Variants in MAML3 observed in about 807,000 individuals in gnomAD.
The protein encoded by MAML3 is mastermind-like protein 3.
Under a neutral mutation model 101.9 loss-of-function variants are expected in MAML3, and 27 were observed. The ratio of observed to expected loss-of-function variants is 0.27; its 90% CI spans 0.20 to 0.37. The LOEUF (loss-of-function observed/expected upper bound fraction) is 0.37, where lower values mean the gene tolerates loss of function less well. Ranked by LOEUF, MAML3 falls within the 10% of genes least tolerant of loss-of-function variation. The pLI, the probability that MAML3 is intolerant of heterozygous loss-of-function variation, is 1.00. For synonymous variants in MAML3, 501 were observed against 555.9 expected, an observed-to-expected ratio of 0.90 and a Z score of 1.39; for missense variants, 1,316 against 1,444.9, an observed-to-expected ratio of 0.91 and a Z score of 1.45.
intron 1 of MAML3, among the ~76,000 whole-genome samples, chr4:140,065,562 T>C (rs538499243): frequency 1.3e-5 from 2 of 152,192 alleles, no homozygotes; most frequent in Non-Finnish European, 2.9e-5. Flanking sequence ...CAGTCTCTGC[T>C]GACCTTCACC....
intron 2 of MAML3, among the ~76,000 whole-genome samples, chr4:139,852,852 A>C (rs897493882): frequency 6.6e-6 from 1 of 152,216 alleles, no homozygotes; most frequent in Non-Finnish European, 1.5e-5. Context: ...CCATTGTGAA[A>C]TGGAAAGAAC....
At chr4:140,121,532 C>T (rs551748798) in intron 1 of MAML3, among the ~76,000 whole-genome samples, 60 of 151,896 alleles carry the variant, frequency 4.0e-4, no homozygotes, top group African/African-American at 1.4e-3. Flanking sequence ...GAGAGAAAGC[C>T]TTCATTGTTA....
chr4:139,751,485 G>C (rs1250850452), intron 2 of MAML3, among the ~76,000 whole-genome samples: 1 of 152,202 alleles, frequency 6.6e-6, no homozygotes, highest in Non-Finnish European at 1.5e-5. Flanking sequence ...AGTTTTGACT[G>C]CATTTTGACT....
rs979087517 is a variant in MAML3, at chr4:139,735,625, C to A, written c.2080-4958G>T. Among the ~76,000 whole-genome samples the A allele has an allele frequency of 1.3e-5, 2 of 152,230 alleles. No individual in the cohort carries two copies. The highest frequency in any genetic ancestry group is 4.8e-5 in the African/African-American group (2 of 41,458). The stretch of plus-strand genomic sequence containing the variant: ...CCGCTGCTTCGGCTCAGAGTCCTTG[C>A]AATCGCTTGGCCTACGAACAACCTA... On this transcript the variant is annotated intron_variant, in intron 2 of 4. Transcript: ENST00000509479. This position sits in a 1 kb window ranked among gnomAD's most constrained non-coding sequence, Gnocchi z 5.8.
intron 1 of MAML3, among the ~76,000 whole-genome samples, chr4:140,025,790 T>C (rs1370115786): frequency 6.6e-6 from 1 of 152,320 alleles, no homozygotes; most frequent in South Asian, 2.1e-4. Flanking sequence ...TCAACCGCGA[T>C]TGAAAAATAC....
intron 1 of MAML3, among the ~76,000 whole-genome samples, chr4:140,032,646 A>G (rs1726925743): frequency 6.6e-6 from 1 of 152,180 alleles, no homozygotes; most frequent in African/African-American, 2.4e-5. Context: ...TGGGTAAATT[A>G]GTACAAACTT....
chr4:140,062,600 C>G (rs796562161), intron 1 of MAML3, among the ~76,000 whole-genome samples: 6 of 152,324 alleles, frequency 3.9e-5, no homozygotes, highest in African/African-American at 1.4e-4. Flanking sequence ...TTCTGCCCAC[C>G]AGGTAGCTGC....
chr4:140,030,479 G>C (rs1017962048), intron 1 of MAML3, among the ~76,000 whole-genome samples: 7 of 152,106 alleles, frequency 4.6e-5, no homozygotes, highest in African/African-American at 1.4e-4. Flanking sequence ...TAAGGGCCAG[G>C]CTCCAAACAG....
At chr4:139,728,858 T>C (rs1016607061) in intron 3 of MAML3, among the ~76,000 whole-genome samples, 8 of 152,224 alleles carry the variant, frequency 5.3e-5, no homozygotes, top group African/African-American at 1.9e-4. Flanking sequence ...ACAGCTGAGC[T>C]CTGCCTGCTT....
intron 2 of MAML3, among the ~76,000 whole-genome samples, chr4:139,736,854 G>A (rs980831121): frequency 6.6e-6 from 1 of 152,212 alleles, no homozygotes; most frequent in Non-Finnish European, 1.5e-5. Context: ...AGATTGCAAA[G>A]CTGCACTTTC....
chr4:139,785,617 C>A lies in MAML3; in HGVS notation c.2080-54950G>T, dbSNP rs574110849. 6.6e-6 allele frequency among the ~76,000 whole-genome samples: 1 copy of A among 152,160 alleles called. No individual in the cohort carries two copies. The highest frequency in any genetic ancestry group is 2.4e-5 in the African/African-American group (1 of 41,436). ...CAGCACGAACAATATGGCTCCCCAG[C>A]GCCTGGGGCACTGCATGGAGAGATC... On this transcript the variant is annotated intron_variant, in intron 2 of 4. Transcript: ENST00000509479. This position sits in a 1 kb window ranked among gnomAD's most constrained non-coding sequence, Gnocchi z 4.3.
chr4:140,044,550 T>C (rs924696219), intron 1 of MAML3, among the ~76,000 whole-genome samples: 1 of 152,188 alleles, frequency 6.6e-6, no homozygotes. Context: ...TTTCACTATC[T>C]CAGCAAATTT....
At chr4:139,902,549 A>C (rs1032340220) in intron 1 of MAML3, among the ~76,000 whole-genome samples, 2 of 152,176 alleles carry the variant, frequency 1.3e-5, no homozygotes, top group African/African-American at 2.4e-5. Flanking sequence ...ATACCCACAG[A>C]CAGACAGGCA....
rs139098485 is a variant in MAML3 at position 139,771,292 on chromosome 4, G to C, written c.2080-40625C>G. Reference sequence around the variant, plus strand: ...AAGCCATGTCTTAGAACTTTCCTAAGACTGAGCCTCATGTTATGGGCTGAT... The same window carrying C: ...AAGCCATGTCTTAGAACTTTCCTAACACTGAGCCTCATGTTATGGGCTGAT... On this transcript the variant is annotated intron_variant, in intron 2 of 4. Coordinates refer to ENST00000509479, the MANE Select transcript of MAML3 (RefSeq NM_018717.5). Among the ~76,000 whole-genome samples the C allele has an allele frequency of 2.1e-3, 324 of 152,304 alleles. 1 individual carries two copies. Among genetic ancestry groups the C allele is most frequent in the African/African-American group, 6.9e-3 (287 of 41,556 alleles).
chr4:140,114,217 C>T (rs1022816487), intron 1 of MAML3, among the ~76,000 whole-genome samples: 1 of 152,188 alleles, frequency 6.6e-6, no homozygotes, highest in East Asian at 1.9e-4. Context: ...GTGTGCCAAT[C>T]ATACTTTTGT....
chr4:139,784,277 TTC>T (rs1247199583), intron 2 of MAML3, among the ~76,000 whole-genome samples: 4 of 152,174 alleles, frequency 2.6e-5, no homozygotes, highest in Non-Finnish European at 1.5e-5. Flanking sequence ...GACCCTCTCT[TTC>T]TCTCTCACAC....
intron 1 of MAML3, among the ~76,000 whole-genome samples, chr4:140,113,048 G>A (rs1171501836): frequency 6.6e-6 from 1 of 152,116 alleles, no homozygotes; most frequent in African/African-American, 2.4e-5. Context: ...TGGGAGCCAA[G>A]GCGGGCGGAT....
chr4:139,960,376 T>G (rs193115225), intron 1 of MAML3, among the ~76,000 whole-genome samples: 1 of 152,192 alleles, frequency 6.6e-6, no homozygotes, highest in Admixed American at 6.5e-5. Context: ...CCTTTTAAAA[T>G]TGGACAAAGC....
intron 1 of MAML3, among the ~76,000 whole-genome samples, chr4:140,109,021 G>A (rs1320728525): frequency 2.0e-5 from 3 of 152,140 alleles, no homozygotes; most frequent in African/African-American, 7.2e-5. Context: ...ATGGCTAAAT[G>A]AGAACTATAA....
Sources: gnomAD v4.1 joint callset for allele counts (sites outside exome capture counted in the v4.1 genomes callset) on GRCh38, gnomAD v4.1.1 for gene constraint, Gnocchi (gnomAD v3.1) non-coding constraint, MANE v1.5 for transcripts, NCBI Gene and HGNC (gene_info 2026-07-23, HGNC 2026-07-21) for gene names.